The following ZEB1 variants were observed in gnomAD, a reference collection of about 807,000 sequenced individuals.
The protein encoded by ZEB1 is zinc finger E-box binding homeobox 1, also known as zinc finger E-box-binding homeobox 1.
A neutral mutation model predicts 84.9 loss-of-function variants in ZEB1; 21 were observed. That is an observed-to-expected ratio of 0.25 (90% CI 0.18 to 0.36). The LOEUF is 0.36. Ranked by LOEUF, ZEB1 falls within the 10% of genes least tolerant of loss-of-function variation. The pLI, the probability that ZEB1 is intolerant of heterozygous loss-of-function variation, is 1.00. For synonymous variants in ZEB1, 420 were observed against 471.1 expected, an observed-to-expected ratio of 0.89 and a Z score of 1.41; for missense variants, 1,104 against 1,330.2, an observed-to-expected ratio of 0.83 and a Z score of 2.65.
chr10:31,406,516 A>G (rs2053087266), intron 1 of ZEB1, among the ~76,000 whole-genome samples: 1 of 151,062 alleles, frequency 6.6e-6, no homozygotes, highest in South Asian at 2.1e-4. Context: ...GTCTGTTAAT[A>G]TCCTTTGCCC....
intron 1 of ZEB1, among the ~76,000 whole-genome samples, chr10:31,392,564 A>G (rs1208831376): frequency 2.0e-5 from 3 of 152,186 alleles, no homozygotes; most frequent in Admixed American, 1.3e-4. Flanking sequence ...TTCTGTATTA[A>G]TTAGGGAAAC....
At chr10:31,361,137 T>C (rs2042986361) in intron 1 of ZEB1, 49 of 1,611,880 alleles carry the variant, frequency 3.0e-5, no homozygotes, top group South Asian at 7.7e-5. Context: ...AAGAACTGAT[T>C]GAAGAGTGGC....
chr10:31,452,677 G>A (rs1308775597), intron 1 of ZEB1, among the ~76,000 whole-genome samples: 2 of 151,130 alleles, frequency 1.3e-5, no homozygotes, highest in African/African-American at 4.9e-5. Context: ...AAGGCAGTAT[G>A]CCAGTGACTG....
At chr10:31,401,371 A>T (rs1184511657) in intron 1 of ZEB1, among the ~76,000 whole-genome samples, 1 of 152,210 alleles carries the variant, frequency 6.6e-6, no homozygotes, top group Non-Finnish European at 1.5e-5. Context: ...TGGAATTGTG[A>T]TCTCCAAGTT....
chr10:31,524,949 C>T (rs1281891808), intron 8 of ZEB1, among the ~76,000 whole-genome samples: 1 of 152,160 alleles, frequency 6.6e-6, no homozygotes. Flanking sequence ...AAATATGCCT[C>T]CTTAGGTTGA....
intron 2 of ZEB1, among the ~76,000 whole-genome samples, chr10:31,483,985 C>A (rs2065403748): frequency 6.6e-6 from 1 of 151,964 alleles, no homozygotes; most frequent in East Asian, 1.9e-4. Context: ...CATACAAGGA[C>A]CCCATTTCCT....
At chr10:31,437,566 C>A (rs1330727219) in intron 1 of ZEB1, among the ~76,000 whole-genome samples, 1 of 152,102 alleles carries the variant, frequency 6.6e-6, no homozygotes, top group Non-Finnish European at 1.5e-5. Context: ...ACTTTCTTTA[C>A]AAAACTAGGC....
chr10:31,414,708 T>C (rs1001610673), intron 1 of ZEB1, among the ~76,000 whole-genome samples: 2 of 152,184 alleles, frequency 1.3e-5, no homozygotes, highest in Admixed American at 1.3e-4. Context: ...GATCATGATA[T>C]CCTGTTCTGT....
chr10:31,487,791 T>TC (rs2065936843), intron 2 of ZEB1, among the ~76,000 whole-genome samples: 1 of 151,356 alleles, frequency 6.6e-6, no homozygotes, highest in African/African-American at 2.4e-5. Flanking sequence ...TTGAGTAACT[T>TC]CCCTTCTATT....
At chr10:31,347,424 T>C (rs1344228101) in intron 1 of ZEB1, among the ~76,000 whole-genome samples, 1 of 152,208 alleles carries the variant, frequency 6.6e-6, no homozygotes, top group Non-Finnish European at 1.5e-5. Flanking sequence ...TTGCCCAGGC[T>C]GGCCTTGAAC....
intron 1 of ZEB1, among the ~76,000 whole-genome samples, chr10:31,449,377 G>A (rs1284539915): frequency 4.6e-5 from 7 of 152,326 alleles, no homozygotes; most frequent in Admixed American, 6.5e-5. Flanking sequence ...CGTCTTCTGC[G>A]TCGCTCACGC....
chr10:31,379,702 A>G (rs1367607580), intron 1 of ZEB1, among the ~76,000 whole-genome samples: 1 of 135,714 alleles, frequency 7.4e-6, no homozygotes, highest in Non-Finnish European at 1.5e-5. Flanking sequence ...TGATGTTCCA[A>G]AGGCTTGAAT....
In ZEB1 at chr10:31,468,473, G is replaced by A. The variant is rs577115026; in HGVS notation, c.259+7236G>A. ...CAGGCATCACCTGCTGGCCTGTAGG[G>A]TGAACTGCACAACCCAATATAATTC... On this transcript the variant is annotated intron_variant, in intron 2 of 8. Coordinates refer to ENST00000424869, the MANE Select transcript of ZEB1 (RefSeq NM_001174096.2). Among the ~76,000 whole-genome samples, 5 of 152,288 alleles carry A rather than the reference G, an allele frequency of 3.3e-5. No individual in the cohort carries two copies. The South Asian group carries it at 1.0e-3, about 32-fold the overall frequency.
chr10:31,322,870 T>C (rs2034495654), intron 1 of ZEB1, among the ~76,000 whole-genome samples: 1 of 152,062 alleles, frequency 6.6e-6, no homozygotes, highest in African/African-American at 2.4e-5. Context: ...CTTGCTGTCA[T>C]TGGAAACCAC....
At chr10:31,498,154 AG>A (rs2067547383) in intron 3 of ZEB1, among the ~76,000 whole-genome samples, 2 of 152,106 alleles carry the variant, frequency 1.3e-5, no homozygotes, top group African/African-American at 4.8e-5. Context: ...TATCATCTAA[AG>A]ACCAGGACAT....
intron 1 of ZEB1, among the ~76,000 whole-genome samples, chr10:31,371,620 A>C (rs2045726530): frequency 6.6e-6 from 1 of 152,094 alleles, no homozygotes; most frequent in Non-Finnish European, 1.5e-5. Flanking sequence ...TTGGAAATCT[A>C]TCCATTTCTG....
chr10:31,440,900 TAAAAG>T (rs969827592), intron 1 of ZEB1, among the ~76,000 whole-genome samples: 2 of 152,118 alleles, frequency 1.3e-5, no homozygotes, highest in African/African-American at 4.8e-5. Context: ...GTCAAGGAAA[TAAAAG>T]AGGATACAAA....
At chr10:31,478,823 A>C (rs916618327) in intron 2 of ZEB1, among the ~76,000 whole-genome samples, 8 of 151,914 alleles carry the variant, frequency 5.3e-5, no homozygotes, top group African/African-American at 1.9e-4. Context: ...ATATAGATGC[A>C]AAGATGTAAA....
At chr10:31,458,312 CGTGTGTGTGTGTGTGTGTGTGTGTT>C (rs1398953291) in intron 1 of ZEB1, among the ~76,000 whole-genome samples, 10 of 123,120 alleles carry the variant, frequency 8.1e-5, no homozygotes, top group African/African-American at 1.6e-4. Flanking sequence ...ATCTCCATTC[CGTGTGTGTGTGTGTGTGTGTGTGTT>C]GTGTGTGTGT....
Sources: allele counts gnomAD v4.1 joint callset (sites outside exome capture counted in the v4.1 genomes callset), GRCh38; gene constraint gnomAD v4.1.1; transcripts MANE v1.5; gene names NCBI Gene and HGNC (gene_info 2026-07-23, HGNC 2026-07-21).